Variants in MAST4 observed in about 807,000 individuals in gnomAD.
MAST4 encodes the protein microtubule associated serine/threonine kinase family member 4.
A neutral mutation model predicts 162.7 loss-of-function variants in MAST4; 89 were observed. That is an observed-to-expected ratio of 0.55 (90% CI 0.46 to 0.65). The LOEUF (loss-of-function observed/expected upper bound fraction) is 0.65, where lower values mean the gene tolerates loss of function less well. Ranked by LOEUF, MAST4 falls within the 30% of genes least tolerant of loss-of-function variation. The probability of loss-of-function intolerance (pLI) is 0.00; values close to 1 mark genes in which losing one functional copy is unlikely to be tolerated. For missense variants in MAST4, 3,153 were observed against 3,374.0 expected (o/e 0.93, Z 1.62); for synonymous variants, 1,479 against 1,361.1 (o/e 1.09, Z -1.91).
chr5:67,084,016 A>G lies in MAST4; in HGVS notation c.764-6146A>G, dbSNP rs887718068. Among the ~76,000 whole-genome samples the G allele has an allele frequency of 9.9e-5, 15 of 152,172 alleles. No homozygotes were observed. The East Asian group carries it at 2.7e-3, about 27-fold the overall frequency. ...AAAGCTAAAACATTCTCAAGAACCC[A>G]TTTTAACACATCTCCAAGGGATTCC... On this transcript the variant is annotated intron_variant, in intron 5 of 28. Transcript: ENST00000403625.
At chr5:66,689,988 A>G (rs1346099274) in intron 1 of MAST4, among the ~76,000 whole-genome samples, 1 of 152,164 alleles carries the variant, frequency 6.6e-6, no homozygotes, top group Admixed American at 6.5e-5. Context: ...CAAGTGTATC[A>G]TAGGCCATGC....
At chr5:66,909,898 C>T (rs1039128677) in intron 4 of MAST4, among the ~76,000 whole-genome samples, 3 of 152,204 alleles carry the variant, frequency 2.0e-5, no homozygotes, top group African/African-American at 7.2e-5. Context: ...TGCACAAGCT[C>T]TCTTGCCTGC....
intron 3 of MAST4, chr5:66,870,681 T>C (rs1056987888): frequency 3.0e-5 from 13 of 432,030 alleles, no homozygotes; most frequent in African/African-American, 6.1e-5. Context: ...CGTTAAACAC[T>C]GTCCCTCTCC....
In MAST4 at chr5:66,892,631, G is replaced by A. The variant is rs770970788; in HGVS notation, c.643-7320G>A. ...GTTTTCACCTGTTCCTTTCTTCCTC[G>A]TTAGGGGAAAGAGTGCCCTCTTTAT... On this transcript the variant is annotated intron_variant, in intron 3 of 28. Transcript: ENST00000403625. 4.6e-5 allele frequency among the ~76,000 whole-genome samples: 7 copies of A among 152,104 alleles called. No individual in the cohort carries two copies. In the East Asian group the frequency reaches 5.8e-4, roughly 13 times the overall value.
intron 23 of MAST4, among the ~76,000 whole-genome samples, chr5:67,148,651 C>T (rs569319105): frequency 6.6e-6 from 1 of 152,210 alleles, no homozygotes; most frequent in East Asian, 1.9e-4. Context: ...GAGGAAATAG[C>T]ATGAGGGAGG....
At chr5:66,935,511 T>A (rs1178751736) in intron 4 of MAST4, among the ~76,000 whole-genome samples, 1 of 152,038 alleles carries the variant, frequency 6.6e-6, no homozygotes, top group Admixed American at 6.6e-5. Flanking sequence ...TGTCCTTTCT[T>A]CCCTTTCTGT....
Position 66,869,598 on chromosome 5 carries a change from C to T in MAST4, c.643-30353C>T, listed in dbSNP as rs145065162. ...TGAAAGGTAAGCATTATACTGTGAACGCCGAAGCAGTGATTATGGGCAACT... is the reference window on the plus strand; with the variant it reads ...TGAAAGGTAAGCATTATACTGTGAATGCCGAAGCAGTGATTATGGGCAACT... On this transcript the variant is annotated intron_variant, in intron 3 of 28. Coordinates refer to ENST00000403625, the MANE Select transcript of MAST4 (RefSeq NM_001164664.2). Among the ~76,000 whole-genome samples, 18 of 152,210 alleles carry T rather than the reference C, an allele frequency of 1.2e-4. No homozygotes were observed. In the East Asian group the frequency reaches 1.5e-3, roughly 13 times the overall value.
chr5:66,840,240 T>C (rs952766013), intron 3 of MAST4, among the ~76,000 whole-genome samples: 7 of 152,144 alleles, frequency 4.6e-5, no homozygotes, highest in Admixed American at 3.9e-4. Context: ...AATATTTCAT[T>C]TTATATTTTT....
At chr5:66,928,249 G>A (rs1367698472) in intron 4 of MAST4, among the ~76,000 whole-genome samples, 6 of 152,152 alleles carry the variant, frequency 3.9e-5, no homozygotes, top group African/African-American at 1.4e-4. Flanking sequence ...AGTAGACATG[G>A]CCCAATTGAG....
At chr5:67,003,755 A>C (rs531814677) in intron 4 of MAST4, 3 of 152,160 alleles carry the variant, frequency 2.0e-5, no homozygotes, top group Non-Finnish European at 4.4e-5. Context: ...CTGCCCTTTC[A>C]AGGTCTAACG....
At chr5:66,687,670 ATC>A (rs1748777423) in intron 1 of MAST4, among the ~76,000 whole-genome samples, 2 of 131,668 alleles carry the variant, frequency 1.5e-5, no homozygotes, top group African/African-American at 6.5e-5. Context: ...CTATCTATCT[ATC>A]TATCTATACG....
At chr5:66,906,631 G>A (rs1029826655) in intron 4 of MAST4, among the ~76,000 whole-genome samples, 1 of 152,150 alleles carries the variant, frequency 6.6e-6, no homozygotes, top group African/African-American at 2.4e-5. Flanking sequence ...TGAAATGTAT[G>A]TACCTTTGGT....
chr5:66,607,080 C>T lies in MAST4; in HGVS notation c.363+10062C>T, dbSNP rs535495962. Among the ~76,000 whole-genome samples the T allele has an allele frequency of 2.4e-4, 36 of 152,244 alleles. No homozygotes were observed. The South Asian group carries it at 2.5e-3, about 11-fold the overall frequency. On this transcript the variant is annotated intron_variant, in intron 1 of 28. Coordinates refer to ENST00000403625, the MANE Select transcript of MAST4 (RefSeq NM_001164664.2). ...TACAGCTAAGTGACCCATTCAACCT[C>T]ATACAAGTGAGGAGGAGAATAGTAG... is the stretch of plus-strand genomic sequence containing the variant.
At chr5:67,134,454 C>G in intron 17 of MAST4, 69 bp from the exon 18 acceptor site, 5 of 1,433,520 alleles carry the variant, frequency 3.5e-6, no homozygotes, top group Non-Finnish European at 4.8e-6. Flanking sequence ...TAATTGGTGA[C>G]TAGCCATCTT....
At position 67,166,932 on chromosome 5, in the gene MAST4, C is replaced by T; in HGVS notation, c.7753C>T (p.Pro2585Ser). The T allele has an allele frequency of 6.2e-7, 1 of 1,611,992 alleles. No individual in the cohort carries two copies. The highest frequency in any genetic ancestry group is 8.5e-7 in the Non-Finnish European group (1 of 1,179,444). Residue 2585 changes from proline to serine, a missense_variant, in exon 29 of 29, where the codon CCA becomes TCA. Physicochemically the swap from Pro to Ser is moderately conservative, Grantham distance 74 (BLOSUM62 -1). Coordinates refer to ENST00000403625, the MANE Select transcript of MAST4 (RefSeq NM_001164664.2). ...GAACGTGGGCAGAGACGTGACCAAG[C>T]CATCCCCAGCCCCAAACACTGACCG... is the stretch of plus-strand genomic sequence containing the variant. ...KQNVGRDVTK[P>S]SPAPNTDRPI...
At chr5:67,079,857 C>T (rs1279630146) in intron 5 of MAST4, among the ~76,000 whole-genome samples, 2 of 152,192 alleles carry the variant, frequency 1.3e-5, no homozygotes, top group African/African-American at 4.8e-5. Context: ...CAAAGTTCCA[C>T]ATGCTGGGTC....
intron 2 of MAST4, among the ~76,000 whole-genome samples, chr5:66,767,276 G>C (rs955605208): frequency 6.6e-6 from 1 of 151,602 alleles, no homozygotes; most frequent in Non-Finnish European, 1.5e-5. Flanking sequence ...GATAAGAGAT[G>C]GGGGAGCAGG....
intron 2 of MAST4, among the ~76,000 whole-genome samples, chr5:66,786,176 T>A (rs1031893896): frequency 1.3e-5 from 2 of 152,214 alleles, no homozygotes; most frequent in Non-Finnish European, 2.9e-5. Context: ...GCCTAATAAT[T>A]ATTTTCTACT....
At chr5:66,936,215 TG>T (rs1742734346) in intron 4 of MAST4, among the ~76,000 whole-genome samples, 1 of 152,234 alleles carries the variant, frequency 6.6e-6, no homozygotes, top group African/African-American at 2.4e-5. Flanking sequence ...ACTCTATCAA[TG>T]GGAACATATT....
Sources: allele counts gnomAD v4.1 joint callset (sites outside exome capture counted in the v4.1 genomes callset), GRCh38; gene constraint gnomAD v4.1.1; transcripts MANE v1.5; gene names NCBI Gene and HGNC (gene_info 2026-07-23, HGNC 2026-07-21).